The following SEL1L3 variants were observed in gnomAD, a reference collection of about 807,000 sequenced individuals.
SEL1L3 encodes the protein protein sel-1 homolog 3.
Under a neutral mutation model 142.8 loss-of-function variants are expected in SEL1L3, and 76 were observed. The observed-to-expected ratio is 0.53, with a 90% CI of 0.44 to 0.64. The LOEUF (loss-of-function observed/expected upper bound fraction) is 0.64, where lower values mean the gene tolerates loss of function less well. Among genes scored for constraint, SEL1L3 ranks in the 30% least tolerant of loss-of-function variants. The pLI is 0.00. For missense variants in SEL1L3, 1,262 were observed against 1,381.7 expected (o/e 0.91, Z 1.37); for synonymous variants, 504 against 519.6 (o/e 0.97, Z 0.41).
At chr4:25,733,686 A>G in the SEL1L3 span, among the ~76,000 whole-genome samples, 2 of 151,768 alleles carry the variant, frequency 1.3e-5, no homozygotes, top group African/African-American at 4.8e-5. Context: ...GCGCCCGGCT[A>G]ATTTTTGTAT....
the SEL1L3 span, among the ~76,000 whole-genome samples, chr4:25,738,941 C>T: frequency 6.6e-6 from 1 of 152,130 alleles, no homozygotes; most frequent in Non-Finnish European, 1.5e-5. Flanking sequence ...CACAGTGGCT[C>T]ACGCCTGTAA....
At chr4:25,838,840 G>A (rs1301342350) in intron 2 of SEL1L3, among the ~76,000 whole-genome samples, 1 of 152,166 alleles carries the variant, frequency 6.6e-6, no homozygotes, top group African/African-American at 2.4e-5. Flanking sequence ...CCATTCTCTG[G>A]TTCAGCTGAG....
At chr4:25,776,227 T>C (rs765725221) in intron 17 of SEL1L3, 50 bp downstream of exon 17, 18 of 1,216,794 alleles carry the variant, frequency 1.5e-5, no homozygotes, top group Non-Finnish European at 1.9e-5. Context: ...CATAAGACTA[T>C]ACTGACAGAC....
intron 5 of SEL1L3, among the ~76,000 whole-genome samples, chr4:25,831,998 C>T (rs998138990): frequency 6.6e-6 from 1 of 152,150 alleles, no homozygotes; most frequent in Non-Finnish European, 1.5e-5. Flanking sequence ...TGACCTTCTC[C>T]GTAAGAGAAA....
intron 19 of SEL1L3, among the ~76,000 whole-genome samples, chr4:25,765,935 G>A (rs574487352): frequency 6.6e-6 from 1 of 152,186 alleles, no homozygotes; most frequent in African/African-American, 2.4e-5. Flanking sequence ...CACCGTGCCT[G>A]GACTCTAGAC....
At chr4:25,811,448 G>A (rs936232) in intron 9 of SEL1L3, among the ~76,000 whole-genome samples, 66,669 of 152,000 alleles carry the variant, frequency 0.44, 15,909 homozygotes, top group African/African-American at 0.63. Flanking sequence ...AAATGTGGAA[G>A]GAAGCAGAGT....
At chr4:25,747,319 C>G (rs1384678140), downstream of SEL1L3, 1 of 149,358 alleles carries the variant, frequency 6.7e-6, no homozygotes, top group Non-Finnish European at 1.5e-5. Context: ...AAAATAAGCC[C>G]TCTCACCAGG....
chr4:25,851,425 CAT>C (rs1553878427), intron 1 of SEL1L3, among the ~76,000 whole-genome samples: 1 of 152,110 alleles, frequency 6.6e-6, no homozygotes. Context: ...TATATATGTA[CAT>C]GTGTATAGTC....
chr4:25,745,744 T>C (rs1190969282), downstream of SEL1L3, among the ~76,000 whole-genome samples: 2 of 152,330 alleles, frequency 1.3e-5, no homozygotes, highest in Non-Finnish European at 1.5e-5. Context: ...AGTGCTGAGA[T>C]TGAGAAACTC....
intron 11 of SEL1L3, among the ~76,000 whole-genome samples, chr4:25,796,083 A>G (rs896809413): frequency 3.3e-5 from 5 of 152,302 alleles, no homozygotes; most frequent in African/African-American, 1.2e-4. Context: ...CCACATCTCT[A>G]GAATGAGCAG....
intron 3 of SEL1L3, among the ~76,000 whole-genome samples, chr4:25,833,934 TAAG>T (rs1403887906): frequency 2.0e-5 from 3 of 152,230 alleles, no homozygotes; most frequent in Non-Finnish European, 1.5e-5. Flanking sequence ...GGTGATATGA[TAAG>T]AAGCTATTTT....
chr4:25,722,130 G>A, the SEL1L3 span, among the ~76,000 whole-genome samples: 1 of 152,088 alleles, frequency 6.6e-6, no homozygotes. Context: ...AAAGGAAAGG[G>A]GCTTTGAGCT....
At chr4:25,822,295 T>C (rs1381147337) in intron 6 of SEL1L3, among the ~76,000 whole-genome samples, 167 bp from the exon 7 acceptor site, 1 of 152,148 alleles carries the variant, frequency 6.6e-6, no homozygotes, top group African/African-American at 2.4e-5. Flanking sequence ...TCGGCTAGGA[T>C]CCCAATTCTG....
intron 23 of SEL1L3, among the ~76,000 whole-genome samples, chr4:25,754,351 CTT>C (rs34663888): frequency 0.044 from 6,305 of 142,600 alleles, 431 homozygotes; most frequent in African/African-American, 0.15. Context: ...TTATTGACAA[CTT>C]TTTTTTTTTT....
chr4:25,803,224 G>A (rs1416827702), intron 10 of SEL1L3, among the ~76,000 whole-genome samples: 1 of 152,258 alleles, frequency 6.6e-6, no homozygotes, highest in East Asian at 1.9e-4. Flanking sequence ...CCAGAAAGGG[G>A]AAGTCGATTG....
At chr4:25,754,586 G>A (rs1227506965) in intron 23 of SEL1L3, among the ~76,000 whole-genome samples, 1 of 151,876 alleles carries the variant, frequency 6.6e-6, no homozygotes, top group African/African-American at 2.4e-5. Context: ...TTGGAAATGT[G>A]TGGAGTTTTT....
upstream of SEL1L3, chr4:25,863,412 G>T: frequency 1.5e-6 from 1 of 688,732 alleles, no homozygotes; most frequent in South Asian, 1.5e-5. Flanking sequence ...CCTCGCTTCC[G>T]CATTCTTCCT....
intron 9 of SEL1L3, among the ~76,000 whole-genome samples, chr4:25,810,760 C>T (rs1044994503): frequency 6.6e-6 from 1 of 152,268 alleles, no homozygotes; most frequent in Admixed American, 6.5e-5. Context: ...CACAGCAGCA[C>T]AAGAGAATCC....
chr4:25,774,368 A>T (rs1162439846), intron 17 of SEL1L3, among the ~76,000 whole-genome samples: 1 of 152,172 alleles, frequency 6.6e-6, no homozygotes, highest in Non-Finnish European at 1.5e-5. Context: ...ATCCAAACTC[A>T]CAAAGGGTAC....
Sources: gnomAD v4.1 joint callset for allele counts (sites outside exome capture counted in the v4.1 genomes callset) on GRCh38, gnomAD v4.1.1 for gene constraint, MANE v1.5 for transcripts, NCBI Gene and HGNC (gene_info 2026-07-23, HGNC 2026-07-21) for gene names.